Variants in CHRM3 observed in about 807,000 individuals in gnomAD.
CHRM3 encodes muscarinic acetylcholine receptor M3.
Under a neutral mutation model 41.8 loss-of-function variants are expected in CHRM3, and 11 were observed. The observed-to-expected ratio is 0.26, with a 90% CI of 0.17 to 0.44. The LOEUF (loss-of-function observed/expected upper bound fraction) is 0.44, where lower values mean the gene tolerates loss of function less well. Ranked by LOEUF, CHRM3 falls within the 20% of genes least tolerant of loss-of-function variation. CHRM3 has a pLI of 1.00. For missense variants in CHRM3, 571 were observed against 745.4 expected (o/e 0.77, Z 2.72); for synonymous variants, 297 against 301.4 (o/e 0.99, Z 0.15).
At chr1:239,894,879 C>G (rs1678864568) in intron 6 of CHRM3, among the ~76,000 whole-genome samples, 1 of 152,124 alleles carries the variant, frequency 6.6e-6, no homozygotes. Context: ...TAATAACTAA[C>G]CTGAAGTCTC....
chr1:239,757,003 T>G (rs1484884986), intron 5 of CHRM3, among the ~76,000 whole-genome samples: 4 of 152,190 alleles, frequency 2.6e-5, no homozygotes, highest in Admixed American at 2.6e-4. Flanking sequence ...CATACTCTAT[T>G]TAGTGGAATT....
intron 3 of CHRM3, among the ~76,000 whole-genome samples, chr1:239,556,486 T>C (rs746717674): frequency 1.3e-5 from 2 of 152,136 alleles, no homozygotes; most frequent in African/African-American, 2.4e-5. Flanking sequence ...CTACTTCACA[T>C]GGAAAGCAAA....
chr1:239,736,360 G>T (rs1664394955), intron 5 of CHRM3, among the ~76,000 whole-genome samples: 3 of 151,484 alleles, frequency 2.0e-5, no homozygotes, highest in Non-Finnish European at 4.4e-5. Flanking sequence ...TAAAAAACAA[G>T]GTGTAGTTAA....
intron 6 of CHRM3, among the ~76,000 whole-genome samples, chr1:239,851,952 T>C (rs1053095092): frequency 3.3e-5 from 5 of 152,118 alleles, no homozygotes; most frequent in African/African-American, 1.2e-4. Flanking sequence ...GTCCCAACCC[T>C]GGCCCACTGA....
chr1:239,521,515 A>G (rs1669635193), intron 2 of CHRM3, among the ~76,000 whole-genome samples: 2 of 152,248 alleles, frequency 1.3e-5, no homozygotes, highest in Admixed American at 1.3e-4. Flanking sequence ...TATCATTACA[A>G]TGAATATAAA....
Position 239,684,748 on chromosome 1 carries a change from G to GAA in CHRM3, c.-147+6461_-147+6462insAA, listed in dbSNP as rs1553363709. On this transcript the variant is annotated intron_variant, in intron 5 of 6. Transcript: ENST00000676153. ...AAAGGAAAGGAAAGAGAGAAAGAAA[G>GAA]AGAAAGAAAGAAAGAAAGAAAGAGA... 2.6e-3 allele frequency among the ~76,000 whole-genome samples: 276 copies of GAA among 107,522 alleles called. 2 individuals carry two copies. Among genetic ancestry groups the GAA allele is most frequent in the African/African-American group, 4.5e-3 (132 of 29,048 alleles). The allele number at this position is 107,522 out of a possible 152,430, so 70.5% of individuals were successfully genotyped here.
At position 239,908,140 on chromosome 1, in the gene CHRM3, C is replaced by G; in HGVS notation, c.689C>G (p.Thr230Ser). 1.2e-6 allele frequency: 2 copies of G among 1,614,122 alleles called. No homozygotes were observed. The highest frequency in any genetic ancestry group is 1.7e-6 in the Non-Finnish European group (2 of 1,180,036). Residue 230 changes from threonine (T) to serine (S), a missense_variant, in exon 7 of 7, where the codon ACC becomes AGC. Transcript: ENST00000676153. This position sits in a 1 kb window ranked among gnomAD's most constrained non-coding sequence, Gnocchi z 7.2. ...TTCATTCAGTTCCTCAGTGAGCCCACCATTACTTTTGGCACAGCCATCGCT... is the reference window on the plus strand; with the variant it reads ...TTCATTCAGTTCCTCAGTGAGCCCAGCATTACTTTTGGCACAGCCATCGCT... ...ECFIQFLSEP[T>S]ITFGTAIAAF...
chr1:239,646,840 T>G (rs1558416583), intron 4 of CHRM3, among the ~76,000 whole-genome samples: 1 of 152,048 alleles, frequency 6.6e-6, no homozygotes, highest in Non-Finnish European at 1.5e-5. Flanking sequence ...AGAATAACAT[T>G]AAGGAAAATT....
chr1:239,458,839 A>G (rs866578094), intron 1 of CHRM3, among the ~76,000 whole-genome samples: 2 of 152,126 alleles, frequency 1.3e-5, no homozygotes, highest in Non-Finnish European at 2.9e-5. Flanking sequence ...TCTGAAATAG[A>G]ACTCTGTACT....
chr1:239,841,297 A>G (rs1039185517), intron 6 of CHRM3, among the ~76,000 whole-genome samples: 2 of 152,088 alleles, frequency 1.3e-5, no homozygotes, highest in African/African-American at 2.4e-5. Flanking sequence ...TTCAGAAGGC[A>G]CTGTGAGCTA....
chr1:239,497,136 G>C (rs1338909), intron 2 of CHRM3, among the ~76,000 whole-genome samples: 36,678 of 152,052 alleles, frequency 0.24, 5,098 homozygotes, highest in Middle Eastern at 0.39. Context: ...GCTGGTGGAT[G>C]GTAAGGATTA....
At chr1:239,431,122 A>G (rs938642070) in intron 1 of CHRM3, among the ~76,000 whole-genome samples, 3 of 152,144 alleles carry the variant, frequency 2.0e-5, no homozygotes, top group African/African-American at 7.2e-5. Context: ...GTAAAATAAA[A>G]TTCATGTATT....
chr1:239,527,394 A>G (rs992699090), intron 2 of CHRM3, among the ~76,000 whole-genome samples: 2 of 152,112 alleles, frequency 1.3e-5, no homozygotes, highest in African/African-American at 2.4e-5. Flanking sequence ...AGGCCCTTAC[A>G]AAGTCTATTC....
At chr1:239,871,305 G>A (rs1029927800) in intron 6 of CHRM3, among the ~76,000 whole-genome samples, 15 of 152,194 alleles carry the variant, frequency 9.9e-5, no homozygotes, top group South Asian at 2.1e-4. Context: ...AGAGTGGTGC[G>A]ATTTCGGCTC....
At chr1:239,500,772 A>C (rs1313017955) in intron 2 of CHRM3, among the ~76,000 whole-genome samples, 1 of 152,226 alleles carries the variant, frequency 6.6e-6, no homozygotes, top group Non-Finnish European at 1.5e-5. Flanking sequence ...GCAACAGTAC[A>C]TCACATTTCA....
At chr1:239,775,349 T>C (rs2148758937) in intron 5 of CHRM3, among the ~76,000 whole-genome samples, 1 of 152,332 alleles carries the variant, frequency 6.6e-6, no homozygotes, top group Admixed American at 6.5e-5. Context: ...GGTACAAGAT[T>C]GTCTGTGAAA....
chr1:239,797,585 G>T (rs1037197586), intron 5 of CHRM3, among the ~76,000 whole-genome samples: 2 of 152,140 alleles, frequency 1.3e-5, no homozygotes, highest in Non-Finnish European at 2.9e-5. Flanking sequence ...TAGTTTGTGT[G>T]ATCTGCCTCG....
chr1:239,688,607 CATAAT>C (rs1318687498), intron 5 of CHRM3, among the ~76,000 whole-genome samples: 2 of 129,622 alleles, frequency 1.5e-5, no homozygotes, highest in African/African-American at 5.8e-5. Flanking sequence ...ATATATTATA[CATAAT>C]ATATTACTCA....
chr1:239,867,426 G>T (rs529973301), intron 6 of CHRM3, among the ~76,000 whole-genome samples: 22 of 152,132 alleles, frequency 1.4e-4, no homozygotes, highest in African/African-American at 4.6e-4. Context: ...GGTGGCTCAC[G>T]CCTGTAATCC....
Sources: allele counts gnomAD v4.1 joint callset (sites outside exome capture counted in the v4.1 genomes callset), GRCh38; gene constraint gnomAD v4.1.1; non-coding constraint Gnocchi (gnomAD v3.1); transcripts MANE v1.5; gene names NCBI Gene and HGNC (gene_info 2026-07-23, HGNC 2026-07-21).